Variants in SOX5 observed in about 807,000 individuals in gnomAD.
The protein encoded by SOX5 is transcription factor SOX-5.
SOX5 carries 9 observed loss-of-function variants against 92.0 expected under a neutral mutation model. That is an observed-to-expected ratio of 0.10 (90% CI 0.06 to 0.17). The LOEUF is 0.17. Ranked by LOEUF, SOX5 falls within the 10% of genes least tolerant of loss-of-function variation. The pLI is 1.00. For missense variants in SOX5, 642 were observed against 944.5 expected (o/e 0.68, Z 4.20); for synonymous variants, 344 against 336.3 (o/e 1.02, Z -0.25).
At chr12:24,188,641 T>G (rs1223131278) in intron 4 of SOX5, among the ~76,000 whole-genome samples, 1 of 152,092 alleles carries the variant, frequency 6.6e-6, no homozygotes, top group Non-Finnish European at 1.5e-5. Context: ...AAGAGTAACA[T>G]AGTTGACTAC....
intron 2 of SOX5, among the ~76,000 whole-genome samples, chr12:23,854,892 T>C (rs1459136177): frequency 4.6e-5 from 7 of 152,088 alleles, no homozygotes; most frequent in African/African-American, 1.7e-4. Flanking sequence ...ATGAGTTATA[T>C]GAGCTGGGGT....
chr12:24,220,665 A>G (rs908682102), intron 3 of SOX5, among the ~76,000 whole-genome samples: 1 of 152,080 alleles, frequency 6.6e-6, no homozygotes, highest in Non-Finnish European at 1.5e-5. Flanking sequence ...ACAGATCTCT[A>G]CTGGTGCACC....
At chr12:23,859,729 G>C (rs2096733463) in intron 2 of SOX5, among the ~76,000 whole-genome samples, 1 of 152,140 alleles carries the variant, frequency 6.6e-6, no homozygotes, top group Non-Finnish European at 1.5e-5. Flanking sequence ...GGAATCTGCT[G>C]ATATGTGATG....
chr12:23,756,282 T>C (rs1275076519), intron 3 of SOX5, among the ~76,000 whole-genome samples: 2 of 151,576 alleles, frequency 1.3e-5, no homozygotes, highest in East Asian at 1.9e-4. Flanking sequence ...CTTAAAAAGA[T>C]TGGAAAATCT....
intron 1 of SOX5, among the ~76,000 whole-genome samples, chr12:24,513,240 G>A (rs1190096118): frequency 6.6e-6 from 1 of 152,188 alleles, no homozygotes; most frequent in Non-Finnish European, 1.5e-5. Flanking sequence ...CAGTAGGTTA[G>A]GTGTATTAAA....
intron 4 of SOX5, among the ~76,000 whole-genome samples, chr12:24,147,606 G>A (rs931103678): frequency 2.6e-5 from 4 of 152,158 alleles, no homozygotes; most frequent in Admixed American, 6.5e-5. Context: ...GCAACTATAC[G>A]TGAAAGCAGT....
chr12:23,836,812 G>C (rs776324475), intron 3 of SOX5, among the ~76,000 whole-genome samples: 1 of 151,902 alleles, frequency 6.6e-6, no homozygotes, highest in Non-Finnish European at 1.5e-5. Flanking sequence ...AAAATAGCTT[G>C]AGGGAAGAAA....
intron 2 of SOX5, among the ~76,000 whole-genome samples, chr12:23,869,932 C>CA (rs2096855466): frequency 6.6e-6 from 1 of 152,076 alleles, no homozygotes; most frequent in Non-Finnish European, 1.5e-5. Flanking sequence ...ACTGAGTTTC[C>CA]AGGAGATAAA....
In SOX5 at chr12:23,533,943, G is replaced by A; in HGVS notation, c.*276C>T. 3.3e-6 allele frequency: 1 copy of A among 305,056 alleles called. No individual in the cohort carries two copies. Among genetic ancestry groups the A allele is most frequent in the Admixed American group, 4.6e-5 (1 of 21,558 alleles). The allele number at this position is 305,056 out of a possible 1,614,324, so 18.9% of individuals were successfully genotyped here. A position where few individuals can be genotyped will look rare whatever the true frequency, so the allele number is the denominator to read the frequency against. On this transcript the variant is annotated 3_prime_UTR_variant, in exon 15 of 15. Coordinates refer to ENST00000451604, the MANE Select transcript of SOX5 (RefSeq NM_006940.6). ...AAAAAAGTTGACGGGTAAGACTTCA[G>A]TGCTTGGATGTAGCAGCTGAATTAC...
chr12:23,896,930 C>A (rs767103277), intron 1 of SOX5, among the ~76,000 whole-genome samples: 1 of 151,934 alleles, frequency 6.6e-6, no homozygotes, highest in African/African-American at 2.4e-5. Flanking sequence ...TTTCTTTGTA[C>A]GTGAGTCTGA....
In SOX5 at chr12:23,913,673, T is replaced by A. The variant is rs111610876; in HGVS notation, c.39-17649A>T. Among the ~76,000 whole-genome samples, 1,143 of 150,876 alleles carry A rather than the reference T, an allele frequency of 7.6e-3. 10 individuals are homozygous for A. Among genetic ancestry groups the A allele is most frequent in the African/African-American group, 0.027 (1,096 of 41,016 alleles). On this transcript the variant is annotated intron_variant, in intron 1 of 14. Transcript: ENST00000451604. The stretch of plus-strand genomic sequence containing the variant: ...ATCTCTTGAAACCAGAAGGTGGAGG[T>A]TGCAGTGAGCCGAGATTGCACCACT...
chr12:23,615,945 A>C (rs2076504325), intron 8 of SOX5, among the ~76,000 whole-genome samples: 1 of 152,214 alleles, frequency 6.6e-6, no homozygotes, highest in Non-Finnish European at 1.5e-5. Flanking sequence ...TCATAATAAT[A>C]AACACCATAA....
At chr12:24,132,835 G>A (rs1949774247) in intron 4 of SOX5, among the ~76,000 whole-genome samples, 1 of 152,044 alleles carries the variant, frequency 6.6e-6, no homozygotes, top group African/African-American at 2.4e-5. Context: ...GAGGGGACAG[G>A]AAGAACAGAA....
At chr12:23,563,665 A>G (rs1946589547) in intron 10 of SOX5, among the ~76,000 whole-genome samples, 1 of 152,228 alleles carries the variant, frequency 6.6e-6, no homozygotes, top group Non-Finnish European at 1.5e-5. Flanking sequence ...AACTATTTTG[A>G]AAGAAGTTGA....
At chr12:23,721,237 C>A (rs1159319054) in intron 6 of SOX5, among the ~76,000 whole-genome samples, 1 of 152,054 alleles carries the variant, frequency 6.6e-6, no homozygotes, top group Non-Finnish European at 1.5e-5. Flanking sequence ...AGGCATGCGC[C>A]ACCATGCCCA....
At chr12:23,548,638 G>A (rs1231619090) in intron 11 of SOX5, among the ~76,000 whole-genome samples, 1 of 151,860 alleles carries the variant, frequency 6.6e-6, no homozygotes, top group East Asian at 1.9e-4. Flanking sequence ...GGATAACGTT[G>A]CCACATTTTT....
At chr12:23,764,094 A>G (rs1422571716) in intron 3 of SOX5, among the ~76,000 whole-genome samples, 1 of 152,036 alleles carries the variant, frequency 6.6e-6, no homozygotes, top group Non-Finnish European at 1.5e-5. Flanking sequence ...GAGGGTTACT[A>G]AGGCGAGAGG....
intron 1 of SOX5, among the ~76,000 whole-genome samples, chr12:23,909,805 T>C (rs1232439200): frequency 6.7e-6 from 1 of 149,754 alleles, no homozygotes; most frequent in Admixed American, 6.7e-5. Context: ...TTTTCTTTTT[T>C]TTTTAACCTC....
In SOX5 at chr12:24,359,361, A is replaced by T. The variant is rs192591868; in HGVS notation, c.-174+9202T>A. Among the ~76,000 whole-genome samples, 331 of 152,340 alleles carry T rather than the reference A, an allele frequency of 2.2e-3. 1 individual carries two copies. The highest frequency in any genetic ancestry group is 3.1e-3 in the Admixed American group (48 of 15,306). The stretch of plus-strand genomic sequence containing the variant: ...GCCTTGATGCTCCGGTCTTGCCGTT[A>T]TCTGATGGATGAGTTAGGACACACA... On this transcript the variant is annotated intron_variant, in intron 2 of 4. Coordinates refer to the SOX5 transcript ENST00000446891.
Sources: allele counts gnomAD v4.1 joint callset (sites outside exome capture counted in the v4.1 genomes callset), GRCh38; gene constraint gnomAD v4.1.1; transcripts MANE v1.5; gene names NCBI Gene and HGNC (gene_info 2026-07-23, HGNC 2026-07-21).